TP53BP2: variants seen among roughly 807,000 people sequenced by gnomAD.
TP53BP2 encodes tumor protein p53 binding protein 2.
TP53BP2 carries 62 observed loss-of-function variants against 126.2 expected under a neutral mutation model. That is an observed-to-expected ratio of 0.49 (90% CI 0.40 to 0.61). TP53BP2 has a LOEUF of 0.61. TP53BP2 is among the 20% of genes least tolerant of loss of function. The probability of loss-of-function intolerance (pLI) is 0.00; values close to 1 mark genes in which losing one functional copy is unlikely to be tolerated. For missense variants in TP53BP2, 1,215 were observed against 1,402.8 expected (o/e 0.87, Z 2.14); for synonymous variants, 485 against 502.9 (o/e 0.96, Z 0.48).
chr1:223,806,679 C>T (rs1662729334), intron 5 of TP53BP2, among the ~76,000 whole-genome samples, 167 bp downstream of exon 5: 1 of 152,102 alleles, frequency 6.6e-6, no homozygotes, highest in South Asian at 2.1e-4. Context: ...CAAAATTTAG[C>T]CAGGTGTGGT....
intron 4 of TP53BP2, among the ~76,000 whole-genome samples, chr1:223,809,482 G>A (rs538978048): frequency 3.3e-5 from 5 of 151,844 alleles, no homozygotes; most frequent in South Asian, 2.1e-4. Flanking sequence ...CAGGAGAATC[G>A]CTTGAACCCA....
In TP53BP2 at chr1:223,795,958, C is replaced by T. The variant is rs1325246133; in HGVS notation, c.2581G>A (p.Ala861Thr). Residue 861 changes from alanine (A) to threonine (T), a missense_variant, in exon 13 of 18, where the codon GCT becomes ACT. Coordinates refer to ENST00000343537, the MANE Select transcript of TP53BP2 (RefSeq NM_001031685.3). ...QNNPEEPNPE[A>T]PHVLDVYLEE... The stretch of plus-strand genomic sequence containing the variant: ...AGGTACACATCAAGCACATGTGGAG[C>T]CTCTGGATTTGGTTCTTCTGGGTTA... The T allele has an allele frequency of 6.2e-7, 1 of 1,614,006 alleles. No homozygotes were observed. Among genetic ancestry groups the T allele is most frequent in the Admixed American group, 1.7e-5 (1 of 60,004 alleles).
At chr1:223,830,303 C>T (rs3856162) in intron 1 of TP53BP2, among the ~76,000 whole-genome samples, 78,462 of 152,006 alleles carry the variant, frequency 0.52, 22,392 homozygotes, top group African/African-American at 0.78. Flanking sequence ...GTTTTCAATT[C>T]TGGAGCATTT....
chr1:223,844,207 A>G lies in TP53BP2; in HGVS notation c.27+1447T>C, dbSNP rs190236532. On this transcript the variant is annotated intron_variant, in intron 1 of 17. Transcript: ENST00000343537. ...TTAGGATTGTATTCTGACATCAGAA[A>G]GGCAATCAGAAGAACCATACTGCTA... Among the ~76,000 whole-genome samples, 3 of 152,356 alleles carry G rather than the reference A, an allele frequency of 2.0e-5. No homozygotes were observed. In the East Asian group the frequency reaches 5.8e-4, roughly 29 times the overall value.
chr1:223,845,649 C>T lies in TP53BP2; in HGVS notation c.27+5G>A, dbSNP rs1455266446. On this transcript the variant is annotated splice_donor_5th_base_variant and intron_variant, in intron 1 of 17. Transcript: ENST00000343537. ...GCCCGACGCCCTGGCCGCTCGCCCACTTACCGGCATCATCTTGGACCCGAA... is the reference window on the plus strand; with the variant it reads ...GCCCGACGCCCTGGCCGCTCGCCCATTTACCGGCATCATCTTGGACCCGAA... 1.3e-6 allele frequency: 2 copies of T among 1,554,564 alleles called. No homozygotes were observed. Among genetic ancestry groups the T allele is most frequent in the Admixed American group, 1.8e-5 (1 of 54,302 alleles).
Position 223,791,219 on chromosome 1 carries a change from G to C in TP53BP2, c.2996+1170C>G, listed in dbSNP as rs976253538. ...GGGCAGGAGGATCACTTGAGTCCAG[G>C]AGTTCGAGACCAACCTGGGCAACAC... On this transcript the variant is annotated intron_variant, in intron 15 of 17. Coordinates refer to ENST00000343537, the MANE Select transcript of TP53BP2 (RefSeq NM_001031685.3). 3.9e-5 allele frequency among the ~76,000 whole-genome samples: 6 copies of C among 152,056 alleles called. No homozygotes were observed. In the East Asian group the frequency reaches 1.2e-3, roughly 29 times the overall value.
Position 223,802,173 on chromosome 1 carries a change from G to A in TP53BP2, c.1168C>T (p.Pro390Ser), listed in dbSNP as rs776729822. The A allele has an allele frequency of 6.2e-7, 1 of 1,613,962 alleles. No individual in the cohort carries two copies. The highest frequency in any genetic ancestry group is 8.5e-7 in the Non-Finnish European group (1 of 1,180,030). The change falls in exon 9 of 18, where the codon CCG becomes TCG. Residue 390 changes from proline (P) to serine (S), a missense_variant. Physicochemically the swap from Pro to Ser is moderately conservative, Grantham distance 74 (BLOSUM62 -1). Transcript: ENST00000343537. ...TTGGGCAGTGTCTGTATTTTCATCG[G>A]CCCCTCTGAAGCCTGAATGACCAAG... ...GSLVIQASEG[P>S]MKIQTLPNMR...
intron 1 of TP53BP2, chr1:223,826,125 A>G (rs1663487617): frequency 1.3e-5 from 2 of 152,300 alleles, no homozygotes; most frequent in Admixed American, 6.5e-5. Context: ...GAGGCAACAC[A>G]TTTAAAGCCC....
chr1:223,793,764 C>T (rs1662225507), intron 13 of TP53BP2, among the ~76,000 whole-genome samples: 2 of 152,136 alleles, frequency 1.3e-5, no homozygotes, highest in Non-Finnish European at 1.5e-5. Context: ...AATAGGCTAG[C>T]GTTCTGTCAA....
chr1:223,824,015 C>A (rs749981077), intron 1 of TP53BP2, among the ~76,000 whole-genome samples: 1 of 152,206 alleles, frequency 6.6e-6, no homozygotes, highest in Non-Finnish European at 1.5e-5. Flanking sequence ...CACATTATCT[C>A]AGAAACTTAC....
In TP53BP2 at chr1:223,796,121, C is replaced by T; in HGVS notation, c.2418G>A (p.Val806=). Reference sequence around the variant, plus strand: ...ACAATGATTCAGGAACCAGAGAGACCACCTCCTTTTCGGGCTCCACATGTA... The same window carrying T: ...ACAATGATTCAGGAACCAGAGAGACTACCTCCTTTTCGGGCTCCACATGTA... ...PYLHVEPEKE[V]VSLVPESLSP... The change falls in exon 13 of 18, where the codon GTG becomes GTA. Residue 806 remains valine, a synonymous_variant. Coordinates refer to ENST00000343537, the MANE Select transcript of TP53BP2 (RefSeq NM_001031685.3). The surrounding 1 kb of genome is among the most constrained non-coding windows in gnomAD (Gnocchi z 4.2). The T allele has an allele frequency of 1.2e-6, 2 of 1,614,158 alleles. No individual in the cohort carries two copies. Among genetic ancestry groups the T allele is most frequent in the South Asian group, 1.1e-5 (1 of 91,080 alleles).
chr1:223,816,403 A>C (rs889026677), intron 2 of TP53BP2, among the ~76,000 whole-genome samples: 1 of 152,198 alleles, frequency 6.6e-6, no homozygotes, highest in African/African-American at 2.4e-5. Context: ...CTCTGGAATA[A>C]GAATTTTTTT....
In TP53BP2 at chr1:223,792,476, T is replaced by A; in HGVS notation, c.2909A>T (p.His970Leu). 6.2e-7 allele frequency: 1 copy of A among 1,614,080 alleles called. No homozygotes were observed. Among genetic ancestry groups the A allele is most frequent in the Non-Finnish European group, 8.5e-7 (1 of 1,179,956 alleles). ...LPNDEGITAL[H>L]NAVCAGHTEI... ...TGTGTGGCCTGCACACACAGCATTG[T>A]GAAGAGCCGTGATGCCTTCATCATT... Residue 970 changes from histidine to leucine, a missense_variant, in exon 15 of 18, where the codon CAC (histidine) becomes CTC (leucine). This residue lies in a region of TP53BP2 where 151 missense variants were observed against 231.2 expected (regional missense o/e 0.65). Coordinates refer to ENST00000343537, the MANE Select transcript of TP53BP2 (RefSeq NM_001031685.3).
At chr1:223,788,488 A>C (rs969347177) in intron 16 of TP53BP2, among the ~76,000 whole-genome samples, 1 of 152,246 alleles carries the variant, frequency 6.6e-6, no homozygotes, top group Non-Finnish European at 1.5e-5. Flanking sequence ...CTAGGTACAG[A>C]TCTGATGTTA....
Position 223,814,302 on chromosome 1 carries a change from C to T in TP53BP2, c.227G>A (p.Gly76Glu), listed in dbSNP as rs751604313. Reference sequence around the variant, plus strand: ...GAAGCGAACTTCGTTCCTCTGACTTCCAAATCGTTGAAGAACATCAAACAT... The same window carrying T: ...GAAGCGAACTTCGTTCCTCTGACTTTCAAATCGTTGAAGAACATCAAACAT... ...ERMFDVLQRF[G>E]SQRNEVRFFL... is the part of the protein sequence containing the mutation. Residue 76 changes from glycine (G) to glutamate (E), a missense_variant, in exon 3 of 18, where the codon GGA becomes GAA. Gly to Glu is a moderately conservative substitution (Grantham distance 98). Coordinates refer to ENST00000343537, the MANE Select transcript of TP53BP2 (RefSeq NM_001031685.3). 9 of 1,613,936 alleles carry T rather than the reference C, an allele frequency of 5.6e-6. No individual in the cohort carries two copies. In the Admixed American group the frequency reaches 1.0e-4, roughly 18 times the overall value.
At chr1:223,821,523 G>A in intron 1 of TP53BP2, 156 bp from the exon 2 acceptor site, 4 of 973,036 alleles carry the variant, frequency 4.1e-6, no homozygotes, top group South Asian at 3.8e-5. Context: ...GTGTGGACTG[G>A]GGGTTGAGGG....
chr1:223,787,584 G>A (rs1662013556), intron 16 of TP53BP2, among the ~76,000 whole-genome samples: 1 of 151,584 alleles, frequency 6.6e-6, no homozygotes, highest in East Asian at 2.0e-4. Context: ...AACTCCAAAC[G>A]AAATTTAAAA....
At chr1:223,783,225 A>T (rs370250387) in intron 17 of TP53BP2, among the ~76,000 whole-genome samples, 2 of 152,170 alleles carry the variant, frequency 1.3e-5, no homozygotes, top group African/African-American at 4.8e-5. Context: ...TCCCCACACT[A>T]ATCTTGGGAG....
chr1:223,829,178 C>CA (rs1663609653), intron 1 of TP53BP2, among the ~76,000 whole-genome samples: 1 of 151,980 alleles, frequency 6.6e-6, no homozygotes, highest in Non-Finnish European at 1.5e-5. Context: ...CAAAAAAACA[C>CA]AAAAAATTAG....
Sources: allele counts gnomAD v4.1 joint callset (sites outside exome capture counted in the v4.1 genomes callset), GRCh38; gene constraint gnomAD v4.1.1; regional missense constraint gnomAD v4.1.1; non-coding constraint Gnocchi (gnomAD v3.1); transcripts MANE v1.5; gene names NCBI Gene and HGNC (gene_info 2026-07-23, HGNC 2026-07-21).